ADAMTSL1: variants seen among roughly 807,000 people sequenced by gnomAD.
ADAMTSL1 encodes ADAMTS like 1, also known as ADAMTS-like protein 1.
In ADAMTSL1, 126 loss-of-function variants were observed where a neutral mutation model predicts 201.8. That is an observed-to-expected ratio of 0.62 (90% CI 0.54 to 0.72). The LOEUF is 0.72. ADAMTSL1 is among the 30% of genes least tolerant of loss of function. The pLI, the probability that ADAMTSL1 is intolerant of heterozygous loss-of-function variation, is 0.00. For synonymous variants in ADAMTSL1, 1,121 were observed against 903.4 expected (o/e 1.24, Z -4.32); for missense variants, 2,679 against 2,277.8 (o/e 1.18, Z -3.59).
At chr9:18,172,928 G>T (rs1827969205) in intron 2 of ADAMTSL1, among the ~76,000 whole-genome samples, 1 of 152,044 alleles carries the variant, frequency 6.6e-6, no homozygotes, top group Non-Finnish European at 1.5e-5. Flanking sequence ...TATATATAAA[G>T]ACAGAGGTGC....
chr9:18,136,654 C>G (rs540851528), intron 1 of ADAMTSL1, among the ~76,000 whole-genome samples: 2 of 151,464 alleles, frequency 1.3e-5, no homozygotes, highest in Non-Finnish European at 2.9e-5. Context: ...TGTCTACAAA[C>G]AAAAAAGAGA....
intron 1 of ADAMTSL1, among the ~76,000 whole-genome samples, chr9:17,979,785 C>G (rs919855820): frequency 6.6e-6 from 1 of 151,968 alleles, no homozygotes; most frequent in Non-Finnish European, 1.5e-5. Context: ...ATAGTGAAAC[C>G]CTTCATTGGT....
intron 2 of ADAMTSL1, among the ~76,000 whole-genome samples, chr9:18,279,899 G>A (rs1832719093): frequency 6.6e-6 from 1 of 152,118 alleles, no homozygotes; most frequent in Middle Eastern, 3.2e-3. Flanking sequence ...CTGGTGCTGG[G>A]GTGGGCCTGG....
upstream of ADAMTSL1, chr9:18,474,057 C>G (rs1821327527): frequency 3.6e-6 from 2 of 559,694 alleles, no homozygotes; most frequent in Non-Finnish European, 6.3e-6. Flanking sequence ...AGATTCCATT[C>G]AGCTTACCCC....
rs1193927615 is a variant in ADAMTSL1 at position 18,316,610 on chromosome 9, C to A, written c.207+152629C>A. On this transcript the variant is annotated intron_variant, in intron 2 of 29. Coordinates refer to the ADAMTSL1 transcript ENST00000680146. Reference sequence around the variant, plus strand: ...GTTATCTCTCTTATTCCCTGAACAACTGCTGTTATCCTGTTCTTTTTTTCA... The same window carrying A: ...GTTATCTCTCTTATTCCCTGAACAAATGCTGTTATCCTGTTCTTTTTTTCA... Among the ~76,000 whole-genome samples the A allele has an allele frequency of 4.6e-5, 7 of 152,180 alleles. No homozygotes were observed. The East Asian group carries it at 1.3e-3, about 29-fold the overall frequency.
chr9:18,463,157 T>G (rs181049819), intron 2 of ADAMTSL1, among the ~76,000 whole-genome samples: 1 of 152,186 alleles, frequency 6.6e-6, no homozygotes, highest in East Asian at 1.9e-4. Context: ...ATGGCATTGT[T>G]GAAGTAGCAT....
intron 4 of ADAMTSL1, among the ~76,000 whole-genome samples, chr9:18,612,749 A>G (rs986993579): frequency 7.2e-5 from 11 of 152,198 alleles, no homozygotes; most frequent in African/African-American, 2.7e-4. Context: ...TAAGTGTAAA[A>G]CCTAAAACTA....
At chr9:18,626,112 C>T (rs1306644376) in intron 5 of ADAMTSL1, among the ~76,000 whole-genome samples, 1 of 152,172 alleles carries the variant, frequency 6.6e-6, no homozygotes, top group African/African-American at 2.4e-5. Context: ...TTGGGCTATC[C>T]TCACAAGCCA....
intron 9 of ADAMTSL1, among the ~76,000 whole-genome samples, chr9:18,665,367 T>C (rs1364844727): frequency 6.6e-6 from 1 of 152,152 alleles, no homozygotes; most frequent in Non-Finnish European, 1.5e-5. Context: ...GTATTTGGTC[T>C]ATATATTTTG....
At chr9:18,230,651 C>G (rs1325390448) in intron 2 of ADAMTSL1, among the ~76,000 whole-genome samples, 1 of 151,926 alleles carries the variant, frequency 6.6e-6, no homozygotes, top group African/African-American at 2.4e-5. Flanking sequence ...GTCCTGGGAG[C>G]CATATGCATA....
chr9:17,975,144 A>G (rs771665565), intron 1 of ADAMTSL1, among the ~76,000 whole-genome samples: 24 of 151,786 alleles, frequency 1.6e-4, no homozygotes, highest in Admixed American at 7.2e-4. Flanking sequence ...ATGTATTTGT[A>G]TGGCCATTTC....
At chr9:18,154,333 T>C (rs562633353) in intron 1 of ADAMTSL1, among the ~76,000 whole-genome samples, 103 of 152,092 alleles carry the variant, frequency 6.8e-4, no homozygotes, top group Non-Finnish European at 1.3e-3. Flanking sequence ...CTGCTCCTTG[T>C]GCATCCACTG....
intron 1 of ADAMTSL1, among the ~76,000 whole-genome samples, chr9:17,983,068 C>CTTTT (rs1334217552): frequency 9.2e-5 from 9 of 97,460 alleles, no homozygotes; most frequent in African/African-American, 3.6e-4. Context: ...TTCTTTCTTT[C>CTTTT]TTTCTTTCTT....
At chr9:18,399,694 C>A (rs373458456) in intron 2 of ADAMTSL1, among the ~76,000 whole-genome samples, 8 of 151,976 alleles carry the variant, frequency 5.3e-5, no homozygotes, top group Admixed American at 3.9e-4. Context: ...ATACTGTATG[C>A]CATAGCTTTC....
intron 1 of ADAMTSL1, among the ~76,000 whole-genome samples, chr9:18,493,870 A>G (rs1392874288): frequency 2.0e-5 from 3 of 152,232 alleles, no homozygotes; most frequent in Non-Finnish European, 4.4e-5. Context: ...CATTTAATGA[A>G]TATTCACTGA....
chr9:17,936,186 C>T (rs955466994), intron 1 of ADAMTSL1, among the ~76,000 whole-genome samples: 1 of 152,104 alleles, frequency 6.6e-6, no homozygotes, highest in Non-Finnish European at 1.5e-5. Context: ...GTGTAATTTC[C>T]TTGCTATTTA....
At chr9:18,485,410 A>G (rs1216660710) in intron 1 of ADAMTSL1, among the ~76,000 whole-genome samples, 1 of 152,232 alleles carries the variant, frequency 6.6e-6, no homozygotes, top group Admixed American at 6.5e-5. Flanking sequence ...GCTGTCTGCC[A>G]GTCACTTTCC....
intron 4 of ADAMTSL1, among the ~76,000 whole-genome samples, chr9:18,599,781 A>G (rs978224385): frequency 2.0e-5 from 3 of 150,582 alleles, no homozygotes; most frequent in Non-Finnish European, 3.0e-5. Flanking sequence ...ATATAATTAA[A>G]TTATATTTAT....
At chr9:18,447,192 G>A (rs1387375583) in intron 2 of ADAMTSL1, among the ~76,000 whole-genome samples, 2 of 152,138 alleles carry the variant, frequency 1.3e-5, no homozygotes, top group Non-Finnish European at 2.9e-5. Context: ...GTATTATATA[G>A]TAATGAAAGT....
Sources: allele counts gnomAD v4.1 joint callset (sites outside exome capture counted in the v4.1 genomes callset), GRCh38; gene constraint gnomAD v4.1.1; transcripts MANE v1.5; gene names NCBI Gene and HGNC (gene_info 2026-07-23, HGNC 2026-07-21).